The following FNBP1L variants were observed in gnomAD, a reference collection of about 807,000 sequenced individuals.
FNBP1L encodes the protein formin binding protein 1 like, also known as formin-binding protein 1-like.
FNBP1L carries 36 observed loss-of-function variants against 91.2 expected under a neutral mutation model. The ratio of observed to expected loss-of-function variants is 0.39; its 90% CI spans 0.30 to 0.52. The LOEUF (loss-of-function observed/expected upper bound fraction) is 0.52. Among genes scored for constraint, FNBP1L ranks in the 20% least tolerant of loss-of-function variants. The probability of loss-of-function intolerance (pLI) is 0.66; values close to 1 mark genes in which losing one functional copy is unlikely to be tolerated. For synonymous variants in FNBP1L, 242 were observed against 237.0 expected (o/e 1.02, Z -0.19); for missense variants, 571 against 732.1 (o/e 0.78, Z 2.54).
At chr1:93,466,103 C>T (rs1248380140) in intron 1 of FNBP1L, among the ~76,000 whole-genome samples, 1 of 151,880 alleles carries the variant, frequency 6.6e-6, no homozygotes, top group Non-Finnish European at 1.5e-5. Context: ...GGATATTAGC[C>T]CTTAGTCAGA....
At chr1:93,536,156 G>A (rs936633040) in intron 9 of FNBP1L, among the ~76,000 whole-genome samples, 176 bp from the exon 10 acceptor site, 1 of 151,894 alleles carries the variant, frequency 6.6e-6, no homozygotes, top group Non-Finnish European at 1.5e-5. Context: ...AAGTAAATTT[G>A]ATTTTTTTAA....
chr1:93,450,865 T>C (rs1006130245), intron 1 of FNBP1L, among the ~76,000 whole-genome samples: 5 of 152,210 alleles, frequency 3.3e-5, no homozygotes, highest in Admixed American at 6.5e-5. Flanking sequence ...TTAAGTCTTA[T>C]GTTAAATTTG....
At chr1:93,449,915 A>T (rs1234101806) in intron 1 of FNBP1L, among the ~76,000 whole-genome samples, 1 of 151,990 alleles carries the variant, frequency 6.6e-6, no homozygotes, top group Admixed American at 6.6e-5. Context: ...TATTTTTTTC[A>T]TGCCTACCAG....
chr1:93,544,998 C>T (rs1164337552), intron 12 of FNBP1L, among the ~76,000 whole-genome samples: 1 of 152,114 alleles, frequency 6.6e-6, no homozygotes, highest in Non-Finnish European at 1.5e-5. Flanking sequence ...CACAATGTTT[C>T]AGTCAGCTGA....
At chr1:93,495,254 C>T (rs1243139813) in intron 1 of FNBP1L, among the ~76,000 whole-genome samples, 1 of 152,124 alleles carries the variant, frequency 6.6e-6, no homozygotes. Context: ...CAACATTTCT[C>T]AGCTTATGTC....
chr1:93,465,862 C>T (rs1000753326), intron 1 of FNBP1L, among the ~76,000 whole-genome samples: 5 of 152,162 alleles, frequency 3.3e-5, no homozygotes, highest in African/African-American at 9.7e-5. Flanking sequence ...CTCTCCAGCA[C>T]CTGTTGTTTC....
At position 93,470,348 on chromosome 1, in the gene FNBP1L, A is replaced by C. The variant is rs1669243158; in HGVS notation, c.24+22043A>C. On this transcript the variant is annotated intron_variant, in intron 1 of 16. Coordinates refer to ENST00000271234, the MANE Select transcript of FNBP1L (RefSeq NM_001164473.3). ...TCTTTATGTTGCCCAAGCTGGTCTT[A>C]AACTCCTGGGCTCAAGCAGTCATTC... is the stretch of plus-strand genomic sequence containing the variant. Among the ~76,000 whole-genome samples the C allele has an allele frequency of 7.2e-5, 11 of 152,116 alleles. No homozygotes were observed. In the South Asian group the frequency reaches 2.3e-3, roughly 32 times the overall value.
intron 8 of FNBP1L, 29 bp from the exon 9 acceptor site, chr1:93,534,676 A>G (rs1229489388): frequency 6.8e-7 from 1 of 1,466,270 alleles, no homozygotes; most frequent in Admixed American, 2.1e-5. Flanking sequence ...CAAGTGAAAC[A>G]GTTTTAAAAC....
chr1:93,527,089 A>G (rs1310612140), intron 5 of FNBP1L, among the ~76,000 whole-genome samples: 6 of 152,200 alleles, frequency 3.9e-5, no homozygotes. Flanking sequence ...ACCTGTACAA[A>G]ATAAAGCCTA....
At chr1:93,478,222 G>A (rs1268341385) in intron 1 of FNBP1L, among the ~76,000 whole-genome samples, 1 of 152,212 alleles carries the variant, frequency 6.6e-6, no homozygotes, top group African/African-American at 2.4e-5. Context: ...GGTGTTGGAA[G>A]CTGCGATGGT....
intron 2 of FNBP1L, among the ~76,000 whole-genome samples, chr1:93,521,730 C>T (rs960068859): frequency 6.6e-6 from 1 of 152,074 alleles, no homozygotes; most frequent in East Asian, 1.9e-4. Context: ...TTTGACCCGT[C>T]GTTGAATCTG....
At chr1:93,543,413 A>G (rs1429346874) in intron 11 of FNBP1L, among the ~76,000 whole-genome samples, 3 of 152,216 alleles carry the variant, frequency 2.0e-5, no homozygotes, top group Non-Finnish European at 4.4e-5. Context: ...TCCTTCTTTC[A>G]GTAACAACTG....
chr1:93,498,882 C>G (rs530865644), intron 1 of FNBP1L, among the ~76,000 whole-genome samples: 11 of 152,230 alleles, frequency 7.2e-5, no homozygotes, highest in African/African-American at 1.9e-4. Context: ...ATTCAAGGAG[C>G]CTTGTTAGCT....
chr1:93,544,046 A>G (rs1672135331), intron 11 of FNBP1L, 61 bp from the exon 12 acceptor site: 8 of 1,226,376 alleles, frequency 6.5e-6, no homozygotes, highest in Admixed American at 5.1e-5. Context: ...TATAGCAGGT[A>G]TATTTTAAAA....
chr1:93,485,487 C>G (rs1669867300), intron 1 of FNBP1L, among the ~76,000 whole-genome samples: 1 of 152,118 alleles, frequency 6.6e-6, no homozygotes. Context: ...AAGCTGACCA[C>G]TAAAAATTGT....
intron 1 of FNBP1L, among the ~76,000 whole-genome samples, chr1:93,497,629 A>G: frequency 6.6e-6 from 1 of 152,074 alleles, no homozygotes; most frequent in East Asian, 1.9e-4. Context: ...TAATATATAC[A>G]TATTTTTTGA....
At chr1:93,516,269 A>T (rs188593318) in intron 2 of FNBP1L, among the ~76,000 whole-genome samples, 227 of 152,292 alleles carry the variant, frequency 1.5e-3, no homozygotes, top group African/African-American at 5.3e-3. Flanking sequence ...GTGAGAAAAC[A>T]TCCTGGAAGG....
chr1:93,530,851 C>T lies in FNBP1L; in HGVS notation c.607C>T (p.His203Tyr). The change falls in exon 7 of 17, where the codon CAT becomes TAT. Residue 203 changes from histidine (H) to tyrosine (Y), a missense_variant. Coordinates refer to ENST00000271234, the MANE Select transcript of FNBP1L (RefSeq NM_001164473.3). Reference sequence around the variant, plus strand: ...AAACTTTAATGGAGAACAACATAAACATTTTTATGTAGTGATTCCTCAGAT... The same window carrying T: ...AAACTTTAATGGAGAACAACATAAATATTTTTATGTAGTGATTCCTCAGAT... ...LQNFNGEQHKHFYVVIPQIYK... is the reference protein window; with the variant it reads ...LQNFNGEQHKYFYVVIPQIYK... 6.5e-7 allele frequency: 1 copy of T among 1,547,628 alleles called. No homozygotes were observed. Among genetic ancestry groups the T allele is most frequent in the African/African-American group, 1.4e-5 (1 of 73,328 alleles).
At chr1:93,455,693 AAG>A (rs1309682566) in intron 1 of FNBP1L, among the ~76,000 whole-genome samples, 1 of 152,220 alleles carries the variant, frequency 6.6e-6, no homozygotes, top group Non-Finnish European at 1.5e-5. Context: ...TTTATGTACT[AAG>A]AGTATTCTAA....
Sources: allele counts gnomAD v4.1 joint callset (sites outside exome capture counted in the v4.1 genomes callset), GRCh38; gene constraint gnomAD v4.1.1; transcripts MANE v1.5; gene names NCBI Gene and HGNC (gene_info 2026-07-23, HGNC 2026-07-21).